Variants in MAGI3 observed in about 807,000 individuals in gnomAD.
MAGI3 encodes the protein membrane associated guanylate kinase, WW and PDZ domain containing 3.
In MAGI3, 43 loss-of-function variants were observed where a neutral mutation model predicts 121.8. The ratio of observed to expected loss-of-function variants is 0.35; its 90% CI spans 0.28 to 0.46. The LOEUF is 0.46. Ranked by LOEUF, MAGI3 falls within the 20% of genes least tolerant of loss-of-function variation. The probability of loss-of-function intolerance (pLI) is 1.00; values close to 1 mark genes in which losing one functional copy is unlikely to be tolerated. For synonymous variants in MAGI3, 553 were observed against 639.3 expected, an observed-to-expected ratio of 0.86 and a Z score of 2.04; for missense variants, 1,547 against 1,797.3, an observed-to-expected ratio of 0.86 and a Z score of 2.52.
At chr1:113,452,587 C>T (rs1654540774) in intron 1 of MAGI3, among the ~76,000 whole-genome samples, 1 of 151,740 alleles carries the variant, frequency 6.6e-6, no homozygotes, top group South Asian at 2.1e-4. Flanking sequence ...TGTGAGTTTG[C>T]ACTGACAATA....
chr1:113,546,416 G>A (rs748976671), intron 1 of MAGI3, among the ~76,000 whole-genome samples: 1 of 151,966 alleles, frequency 6.6e-6, no homozygotes, highest in Non-Finnish European at 1.5e-5. Context: ...GTCTCACTGC[G>A]ACCTCTGCCT....
chr1:113,682,405 C>A, intron 20 of MAGI3: 1 of 1,417,562 alleles, frequency 7.1e-7, no homozygotes, highest in South Asian at 1.7e-5. Flanking sequence ...ACTTTTCAGT[C>A]TTCTTTTGAC....
intron 1 of MAGI3, among the ~76,000 whole-genome samples, chr1:113,467,497 TG>T (rs1655347594): frequency 6.6e-6 from 1 of 152,120 alleles, no homozygotes; most frequent in South Asian, 2.1e-4. Context: ...TCTCTCTGAA[TG>T]ATCTATTACT....
chr1:113,671,754 G>A lies in MAGI3; in HGVS notation c.2836G>A (p.Gly946Arg). The change falls in exon 17 of 21, where the codon GGA becomes AGA. Residue 946 changes from glycine to arginine, a missense_variant. Transcript: ENST00000307546. ...AACAGAGCATCATGGTCCACCATCAGGAACAAACTCAGCCAGGCAAAGCCC... is the reference window on the plus strand; with the variant it reads ...AACAGAGCATCATGGTCCACCATCAAGAACAAACTCAGCCAGGCAAAGCCC... ...AEEEHHGPPSGTNSARQSPAL... is the reference protein window; with the variant it reads ...AEEEHHGPPSRTNSARQSPAL... 6.2e-7 allele frequency: 1 copy of A among 1,614,210 alleles called. No homozygotes were observed. Among genetic ancestry groups the A allele is most frequent in the Non-Finnish European group, 8.5e-7 (1 of 1,180,026 alleles).
At chr1:113,680,638 T>C (rs929267005) in intron 19 of MAGI3, among the ~76,000 whole-genome samples, 4 of 151,968 alleles carry the variant, frequency 2.6e-5, no homozygotes, top group Non-Finnish European at 5.9e-5. Context: ...GCGCCTGTAG[T>C]CCCAACTACT....
intron 1 of MAGI3, among the ~76,000 whole-genome samples, chr1:113,431,247 G>A (rs1255255904): frequency 6.6e-6 from 1 of 152,228 alleles, no homozygotes; most frequent in Admixed American, 6.5e-5. Flanking sequence ...GAGCCCAAGA[G>A]TTCGAAGTTA....
chr1:113,437,866 CT>C (rs1653683385), intron 1 of MAGI3, among the ~76,000 whole-genome samples: 2 of 15,750 alleles, frequency 1.3e-4, no homozygotes, highest in Non-Finnish European at 2.3e-4. Flanking sequence ...TCTTCTTCCT[CT>C]TCTTCTTCTT....
Position 113,641,901 on chromosome 1 carries a change from GT to G in MAGI3, c.1361-5del, listed in dbSNP as rs767944945. The G allele has an allele frequency of 1.4e-5, 21 of 1,548,600 alleles. No homozygotes were observed. The African/African-American group carries it at 2.6e-4, about 19-fold the overall frequency. On this transcript the variant is annotated splice_polypyrimidine_tract_variant and intron_variant, in intron 9 of 20. Transcript: ENST00000307546. Reference sequence around the variant, plus strand: ...ATTTTAATATTTTTAACATGATTATGTTTTTCCAGGCGATGTTATTGTAGAC... The same window carrying G: ...ATTTTAATATTTTTAACATGATTATGTTTTCCAGGCGATGTTATTGTAGAC...
At chr1:113,682,339 T>C in intron 20 of MAGI3, 4 of 1,566,986 alleles carry the variant, frequency 2.6e-6, no homozygotes, top group Non-Finnish European at 3.4e-6. Context: ...TTTCTTCTTT[T>C]GTTTTCTTTT....
intron 1 of MAGI3, among the ~76,000 whole-genome samples, chr1:113,441,594 A>G (rs1256057246): frequency 6.6e-6 from 1 of 152,184 alleles, no homozygotes; most frequent in East Asian, 1.9e-4. Flanking sequence ...CTGCCAACCA[A>G]TTTGAAAACA....
At chr1:113,405,474 CAAAAAAAAAAAAAAAAA>C (rs5777158) in intron 1 of MAGI3, among the ~76,000 whole-genome samples, 3 of 54,350 alleles carry the variant, frequency 5.5e-5, no homozygotes, top group South Asian at 1.1e-3. Context: ...GAAACTGTCT[CAAAAAAAAAAAAAAAAA>C]AAAAAAAAAA....
At chr1:113,488,455 G>T (rs1170854308) in intron 1 of MAGI3, among the ~76,000 whole-genome samples, 1 of 152,244 alleles carries the variant, frequency 6.6e-6, no homozygotes, top group African/African-American at 2.4e-5. Flanking sequence ...ATTCCTGCTT[G>T]CAGGGCAGCC....
At chr1:113,607,780 A>C (rs528508506) in intron 6 of MAGI3, among the ~76,000 whole-genome samples, 128 of 152,318 alleles carry the variant, frequency 8.4e-4, no homozygotes, top group Non-Finnish European at 1.6e-3. Flanking sequence ...TTTTCTATCT[A>C]TCTCTCCCTT....
intron 1 of MAGI3, among the ~76,000 whole-genome samples, chr1:113,496,138 T>G (rs1331939149): frequency 1.3e-5 from 2 of 152,214 alleles, no homozygotes; most frequent in African/African-American, 4.8e-5. Context: ...CTTTTTTGCT[T>G]GTTGCTAATG....
rs575031874 is a variant in MAGI3, at chr1:113,669,323, G to A, written c.2816-2411G>A. 1.2e-3 allele frequency among the ~76,000 whole-genome samples: 181 copies of A among 152,284 alleles called. 1 individual carries two copies. The highest frequency in any genetic ancestry group is 1.9e-3 in the South Asian group (9 of 4,818). Reference sequence around the variant, plus strand: ...CTGAGATGTGATTCTTGCAATCAAGGAGTTCAGAGTCTAGTAGGAGAGACA... The same window carrying A: ...CTGAGATGTGATTCTTGCAATCAAGAAGTTCAGAGTCTAGTAGGAGAGACA... On this transcript the variant is annotated intron_variant, in intron 16 of 20. Coordinates refer to ENST00000307546, the MANE Select transcript of MAGI3 (RefSeq NM_001142782.2).
intron 1 of MAGI3, among the ~76,000 whole-genome samples, chr1:113,451,662 A>T (rs1238095679): frequency 6.6e-6 from 1 of 152,138 alleles, no homozygotes; most frequent in African/African-American, 2.4e-5. Context: ...GGGTAGTATG[A>T]TCAAGCAACT....
In MAGI3 at chr1:113,683,966, T is replaced by A; in HGVS notation, c.4398T>A (p.Ser1466Arg). The A allele has an allele frequency of 2.5e-6, 4 of 1,600,388 alleles. No homozygotes were observed. The highest frequency in any genetic ancestry group is 3.4e-6 in the Non-Finnish European group (4 of 1,175,206). The change falls in exon 21 of 21, where the codon AGT becomes AGA. Residue 1466 changes from serine (S) to arginine (R), a missense_variant. Physicochemically the swap from Ser to Arg is moderately radical, Grantham distance 110. Coordinates refer to ENST00000307546, the MANE Select transcript of MAGI3 (RefSeq NM_001142782.2). ...CTCCAGGGCCCTGGAAGGTTCCAAG[T>A]GGAAATAAAGTCACAGGCACTATTG... ...LITPGPWKVP[S>R]GNKVTGTIGM...
chr1:113,504,379 C>A (rs1657204805), intron 1 of MAGI3, among the ~76,000 whole-genome samples: 1 of 151,948 alleles, frequency 6.6e-6, no homozygotes, highest in Admixed American at 6.6e-5. Flanking sequence ...TAGAAGATAA[C>A]CCAATGGATA....
intron 1 of MAGI3, among the ~76,000 whole-genome samples, chr1:113,505,149 T>C (rs527779643): frequency 6.6e-6 from 1 of 152,192 alleles, no homozygotes; most frequent in African/African-American, 2.4e-5. Context: ...GGTAGGCCCA[T>C]ACCAGGTAAT....
Sources: allele counts gnomAD v4.1 joint callset (sites outside exome capture counted in the v4.1 genomes callset), GRCh38; gene constraint gnomAD v4.1.1; transcripts MANE v1.5; gene names NCBI Gene and HGNC (gene_info 2026-07-23, HGNC 2026-07-21).